Variants in UTRN observed in about 807,000 individuals in gnomAD.
UTRN encodes dystrophin-related protein 1.
UTRN carries 283 observed loss-of-function variants against 463.9 expected under a neutral mutation model. The observed-to-expected ratio is 0.61, with a 90% CI of 0.55 to 0.67. The LOEUF is 0.67. Among genes scored for constraint, UTRN ranks in the 30% least tolerant of loss-of-function variants. The pLI is 0.00. For missense variants in UTRN, 3,922 were observed against 4,084.3 expected, an observed-to-expected ratio of 0.96 and a Z score of 1.08; for synonymous variants, 1,442 against 1,431.5, an observed-to-expected ratio of 1.01 and a Z score of -0.17.
At chr6:144,532,703 G>T (rs1267564964) in intron 42 of UTRN, among the ~76,000 whole-genome samples, 1 of 152,152 alleles carries the variant, frequency 6.6e-6, no homozygotes, top group African/African-American at 2.4e-5. Context: ...GGATTTATTG[G>T]GGTATATAAT....
intron 51 of UTRN, among the ~76,000 whole-genome samples, chr6:144,639,435 A>G (rs371992496): frequency 1.1e-4 from 17 of 151,954 alleles, no homozygotes; most frequent in Non-Finnish European, 2.1e-4. Context: ...GTAACAATCT[A>G]TTTGCTTTGT....
At chr6:144,292,663 G>C (rs1300590357) in intron 2 of UTRN, among the ~76,000 whole-genome samples, 1 of 152,120 alleles carries the variant, frequency 6.6e-6, no homozygotes. Context: ...AGATATTTTT[G>C]AACAGGCAGA....
At chr6:144,366,972 C>T (rs1779563620) in intron 2 of UTRN, among the ~76,000 whole-genome samples, 1 of 151,850 alleles carries the variant, frequency 6.6e-6, no homozygotes, top group Admixed American at 6.6e-5. Flanking sequence ...TCTCTACTTG[C>T]ATTTTTTTTT....
intron 3 of UTRN, among the ~76,000 whole-genome samples, chr6:144,418,564 G>A (rs921580402): frequency 6.6e-6 from 1 of 151,200 alleles, no homozygotes; most frequent in African/African-American, 2.4e-5. Context: ...GTTGTTGTTT[G>A]TTTGTTTGTT....
intron 51 of UTRN, among the ~76,000 whole-genome samples, chr6:144,642,931 G>A (rs1433710342): frequency 6.6e-6 from 1 of 152,046 alleles, no homozygotes. Flanking sequence ...CTCCTTCTGA[G>A]TTTACATAAA....
At position 144,727,937 on chromosome 6, in the gene UTRN, T is replaced by G. The variant is rs118181008; in HGVS notation, c.7810-2420T>G. 3.3e-3 allele frequency among the ~76,000 whole-genome samples: 499 copies of G among 151,096 alleles called. 18 individuals are homozygous for G. In the East Asian group the frequency reaches 0.08, roughly 24 times the overall value. ...CAACATGGTAAAATCCCATCTCTAT[T>G]AAAAGTAGAAAAATTAGCTGGGTGC... On this transcript the variant is annotated intron_variant, in intron 53 of 74. Coordinates refer to ENST00000367545, the MANE Select transcript of UTRN (RefSeq NM_007124.3).
intron 63 of UTRN, among the ~76,000 whole-genome samples, chr6:144,797,186 G>A (rs920450379): frequency 7.3e-6 from 1 of 137,634 alleles, no homozygotes; most frequent in Non-Finnish European, 1.5e-5. Context: ...TGTCTTAGAT[G>A]AAATTTTTTT....
intron 52 of UTRN, among the ~76,000 whole-genome samples, chr6:144,696,587 CTTG>C (rs1483511449): frequency 6.6e-6 from 1 of 152,046 alleles, no homozygotes; most frequent in Non-Finnish European, 1.5e-5. Context: ...TTTAAAGTTA[CTTG>C]TTGTTCTTGG....
At chr6:144,580,542 A>G (rs1166659726) in intron 51 of UTRN, among the ~76,000 whole-genome samples, 1 of 152,118 alleles carries the variant, frequency 6.6e-6, no homozygotes, top group East Asian at 1.9e-4. Flanking sequence ...TTAAGGATGG[A>G]TGATGATTTG....
At chr6:144,289,061 A>G (rs574995968) in intron 1 of UTRN, among the ~76,000 whole-genome samples, 12 of 152,166 alleles carry the variant, frequency 7.9e-5, no homozygotes, top group Non-Finnish European at 1.3e-4. Context: ...CAGCCTCCCA[A>G]AGAGCTGGGA....
intron 43 of UTRN, among the ~76,000 whole-genome samples, chr6:144,535,877 T>C (rs925980860): frequency 6.6e-6 from 1 of 152,182 alleles, no homozygotes; most frequent in Non-Finnish European, 1.5e-5. Flanking sequence ...GCCCCTGGGC[T>C]CAAGCAATCC....
At chr6:144,438,998 A>C (rs1255602799) in intron 12 of UTRN, 103 bp downstream of exon 12, 6 of 1,268,584 alleles carry the variant, frequency 4.7e-6, no homozygotes, top group Non-Finnish European at 6.6e-6. Flanking sequence ...AAGTTGGGAC[A>C]CTTCTTCAGG....
chr6:144,425,318 T>C (rs974393910), intron 6 of UTRN, among the ~76,000 whole-genome samples: 4 of 152,188 alleles, frequency 2.6e-5, no homozygotes. Flanking sequence ...GTGATATCTG[T>C]TCTTTTTCTG....
chr6:144,524,792 T>G (rs1796417976), intron 41 of UTRN, among the ~76,000 whole-genome samples: 1 of 152,182 alleles, frequency 6.6e-6, no homozygotes, highest in Non-Finnish European at 1.5e-5. Flanking sequence ...ATGCTTTCAA[T>G]TTTTCCTCAT....
At chr6:144,628,940 A>G (rs140605556) in intron 51 of UTRN, among the ~76,000 whole-genome samples, 18 of 152,298 alleles carry the variant, frequency 1.2e-4, no homozygotes, top group African/African-American at 3.8e-4. Flanking sequence ...CCTGTAAAAT[A>G]TGACAAATCT....
intron 53 of UTRN, among the ~76,000 whole-genome samples, chr6:144,701,985 A>G (rs945208830): frequency 1.3e-5 from 2 of 152,208 alleles, no homozygotes; most frequent in African/African-American, 4.8e-5. Context: ...CCGATTTAAG[A>G]AAATCCTATT....
At chr6:144,645,842 T>C (rs1778236224) in intron 51 of UTRN, among the ~76,000 whole-genome samples, 1 of 152,144 alleles carries the variant, frequency 6.6e-6, no homozygotes. Flanking sequence ...AGTTGGCTGC[T>C]TGTAATGGGA....
At chr6:144,330,443 G>C (rs975162500) in intron 2 of UTRN, among the ~76,000 whole-genome samples, 5 of 152,112 alleles carry the variant, frequency 3.3e-5, no homozygotes, top group Admixed American at 2.6e-4. Context: ...TTGAAAAATA[G>C]GTTATAAAAT....
intron 50 of UTRN, among the ~76,000 whole-genome samples, chr6:144,574,111 A>G (rs1290541334): frequency 6.6e-6 from 1 of 152,202 alleles, no homozygotes; most frequent in Non-Finnish European, 1.5e-5. Flanking sequence ...TGTGGACACA[A>G]TATTAAGAAT....
Sources: allele counts gnomAD v4.1 joint callset (sites outside exome capture counted in the v4.1 genomes callset), GRCh38; gene constraint gnomAD v4.1.1; transcripts MANE v1.5; gene names NCBI Gene and HGNC (gene_info 2026-07-23, HGNC 2026-07-21).